ANKS1A: variants seen among roughly 807,000 people sequenced by gnomAD.
The protein encoded by ANKS1A is ankyrin repeat and sterile alpha motif domain containing 1A.
In ANKS1A, 55 loss-of-function variants were observed where a neutral mutation model predicts 120.3. The observed-to-expected ratio is 0.46, with a 90% CI of 0.37 to 0.57. The LOEUF (loss-of-function observed/expected upper bound fraction) is 0.57, where lower values mean the gene tolerates loss of function less well. ANKS1A is among the 20% of genes least tolerant of loss of function. The probability of loss-of-function intolerance (pLI) is 0.00; values close to 1 mark genes in which losing one functional copy is unlikely to be tolerated. For synonymous variants in ANKS1A, 590 were observed against 604.7 expected (o/e 0.98, Z 0.36); for missense variants, 1,123 against 1,480.3 (o/e 0.76, Z 3.96).
intron 1 of ANKS1A, among the ~76,000 whole-genome samples, chr6:34,959,561 G>A (rs550495700): frequency 6.6e-6 from 1 of 152,334 alleles, no homozygotes; most frequent in Admixed American, 6.5e-5. Flanking sequence ...TTGTGGTGAA[G>A]ATGCAGTGGA....
At chr6:35,023,628 T>G in intron 11 of ANKS1A, 1 of 483,046 alleles carries the variant, frequency 2.1e-6, no homozygotes, top group Non-Finnish European at 4.2e-6. Context: ...TCCAGGAAAA[T>G]CTCAGGGAGA....
intron 9 of ANKS1A, among the ~76,000 whole-genome samples, chr6:34,991,126 A>G (rs886618315): frequency 6.6e-6 from 1 of 152,208 alleles, no homozygotes; most frequent in Non-Finnish European, 1.5e-5. Flanking sequence ...TTGGCAAGCT[A>G]TCTGCCCCAA....
intron 1 of ANKS1A, among the ~76,000 whole-genome samples, chr6:34,916,135 G>A (rs1002947008): frequency 2.6e-5 from 4 of 152,042 alleles, no homozygotes; most frequent in African/African-American, 9.7e-5. Flanking sequence ...TGAGACTACA[G>A]GTGCATGCCA....
intron 1 of ANKS1A, among the ~76,000 whole-genome samples, chr6:34,895,793 T>C (rs1767047148): frequency 7.0e-6 from 1 of 142,752 alleles, no homozygotes; most frequent in African/African-American, 2.7e-5. Flanking sequence ...TTTTTTTTTT[T>C]TTTTTTTTTT....
chr6:35,071,711 G>A (rs145570206), intron 13 of ANKS1A, among the ~76,000 whole-genome samples: 10 of 152,380 alleles, frequency 6.6e-5, no homozygotes, highest in African/African-American at 2.4e-4. Context: ...CACGCTCCCA[G>A]TCAGAACTTC....
chr6:35,067,546 C>T (rs564555932), intron 13 of ANKS1A, among the ~76,000 whole-genome samples: 20 of 152,190 alleles, frequency 1.3e-4, no homozygotes, highest in Middle Eastern at 3.4e-3. Context: ...TTGGTGCCGT[C>T]GCCACAGGTG....
Position 35,086,155 on chromosome 6 carries a change from C to T in ANKS1A, c.3303+219C>T, listed in dbSNP as rs1777963802. The T allele has an allele frequency of 8.4e-7, 1 of 1,197,504 alleles. No homozygotes were observed. Among genetic ancestry groups the T allele is most frequent in the South Asian group, 1.5e-5 (1 of 68,668 alleles). The allele number at this position is 1,197,504 out of a possible 1,614,324, so 74.2% of individuals were successfully genotyped here. On this transcript the variant is annotated intron_variant, in intron 22 of 23. Transcript: ENST00000360359. The surrounding 1 kb of genome is among the most constrained non-coding windows in gnomAD (Gnocchi z 5.1). Reference sequence around the variant, plus strand: ...GCCTCTCATGCTCCTGTTTCCCTCCCTCGCTGGGCTCCCCCAAGGGCAAGG... The same window carrying T: ...GCCTCTCATGCTCCTGTTTCCCTCCTTCGCTGGGCTCCCCCAAGGGCAAGG...
At chr6:35,061,697 TA>T (rs1339058256) in intron 13 of ANKS1A, among the ~76,000 whole-genome samples, 1 of 152,272 alleles carries the variant, frequency 6.6e-6, no homozygotes, top group Non-Finnish European at 1.5e-5. Context: ...TCTTAAGTTT[TA>T]AAATAGCAAT....
At chr6:35,036,376 A>T (rs16896561) in intron 11 of ANKS1A, among the ~76,000 whole-genome samples, 2,797 of 152,326 alleles carry the variant, frequency 0.018, 84 homozygotes, top group African/African-American at 0.06. Flanking sequence ...ATTGTAAAAC[A>T]TCAGAGTCAG....
chr6:35,086,516 C>A lies in ANKS1A; in HGVS notation c.3304-436C>A. 2.0e-6 allele frequency: 1 copy of A among 512,008 alleles called. No individual in the cohort carries two copies. The highest frequency in any genetic ancestry group is 3.4e-6 in the Non-Finnish European group (1 of 293,918). The allele number at this position is 512,008 out of a possible 1,614,324, so 31.7% of individuals were successfully genotyped here. On this transcript the variant is annotated intron_variant, in intron 22 of 23. Transcript: ENST00000360359. The surrounding 1 kb of genome is among the most constrained non-coding windows in gnomAD (Gnocchi z 5.1). ...CTGCCTGTTCTGTGTGTGCTTCAGC[C>A]CTCTCTGTTTTTCTGTTGTGTGTCC...
intron 1 of ANKS1A, among the ~76,000 whole-genome samples, chr6:34,941,269 A>T (rs190278411): frequency 1.3e-5 from 2 of 152,294 alleles, no homozygotes; most frequent in Non-Finnish European, 2.9e-5. Flanking sequence ...TACAGGTGTG[A>T]GCCACCGCGC....
At chr6:35,076,405 C>G (rs1035653795) in intron 13 of ANKS1A, among the ~76,000 whole-genome samples, 2 of 152,162 alleles carry the variant, frequency 1.3e-5, no homozygotes, top group African/African-American at 4.8e-5. Flanking sequence ...GAGCGAGACT[C>G]TGTCTCAAAA....
Position 34,899,208 on chromosome 6 carries a change from C to T in ANKS1A, c.197+9609C>T, listed in dbSNP as rs1441221149. On this transcript the variant is annotated intron_variant, in intron 1 of 23. Transcript: ENST00000360359. ...ATGGTTGCTAAATACTACTTATATT[C>T]AGAAAGTAACCTTTGTGCAAGCCCA... 2.6e-5 allele frequency among the ~76,000 whole-genome samples: 4 copies of T among 152,304 alleles called. No individual in the cohort carries two copies. The East Asian group carries it at 7.7e-4, about 29-fold the overall frequency.
rs562633106 is a variant in ANKS1A, at chr6:35,082,132, C to T, written c.2710-559C>T. Among the ~76,000 whole-genome samples the T allele has an allele frequency of 3.6e-4, 55 of 152,282 alleles. No homozygotes were observed. The highest frequency in any genetic ancestry group is 6.6e-4 in the Non-Finnish European group (45 of 68,012). On this transcript the variant is annotated intron_variant, in intron 17 of 23. Coordinates refer to ENST00000360359, the MANE Select transcript of ANKS1A (RefSeq NM_015245.3). The surrounding 1 kb of genome is among the most constrained non-coding windows in gnomAD (Gnocchi z 4.1). ...TCTTTTCCTTCCTCTCCATTCCTTC[C>T]ACCAGTGCCCTGGACAGGGACCCAT...
At chr6:35,004,449 C>T (rs1773338342) in intron 10 of ANKS1A, among the ~76,000 whole-genome samples, 1 of 151,754 alleles carries the variant, frequency 6.6e-6, no homozygotes, top group Non-Finnish European at 1.5e-5. Flanking sequence ...ATAGCAAGAC[C>T]CCCATCTCTA....
At chr6:35,003,575 A>G (rs956611664) in intron 10 of ANKS1A, among the ~76,000 whole-genome samples, 6 of 152,218 alleles carry the variant, frequency 3.9e-5, no homozygotes, top group Admixed American at 1.3e-4. Context: ...GGTTCCCAGC[A>G]CTAGAAAGAT....
chr6:35,070,052 G>T (rs1581732276), intron 13 of ANKS1A, among the ~76,000 whole-genome samples: 1 of 151,318 alleles, frequency 6.6e-6, no homozygotes, highest in East Asian at 2.0e-4. Context: ...AAGAGACTGG[G>T]TGTCTCACAA....
intron 1 of ANKS1A, among the ~76,000 whole-genome samples, chr6:34,931,817 T>C (rs1461489625): frequency 6.6e-6 from 1 of 152,226 alleles, no homozygotes; most frequent in African/African-American, 2.4e-5. Context: ...TAACACCCGT[T>C]TCTGTGAAGG....
chr6:34,889,748 G>T lies in ANKS1A; in HGVS notation c.197+149G>T. 4 of 1,069,264 alleles carry T rather than the reference G, an allele frequency of 3.7e-6. No homozygotes were observed. The highest frequency in any genetic ancestry group is 4.6e-6 in the Non-Finnish European group (4 of 860,440). The allele number at this position is 1,069,264 out of a possible 1,614,324, so 66.2% of individuals were successfully genotyped here. ...CGAGGCAGGCGGCCCGCGGGCCAGG[G>T]TACCGGAGGGCGCGCAGGTCCGAGT... On this transcript the variant is annotated intron_variant, in intron 1 of 23. Coordinates refer to ENST00000360359, the MANE Select transcript of ANKS1A (RefSeq NM_015245.3). The surrounding 1 kb of genome is among the most constrained non-coding windows in gnomAD (Gnocchi z 5.5).
Sources: gnomAD v4.1 joint callset for allele counts (sites outside exome capture counted in the v4.1 genomes callset) on GRCh38, gnomAD v4.1.1 for gene constraint, Gnocchi (gnomAD v3.1) non-coding constraint, MANE v1.5 for transcripts, NCBI Gene and HGNC (gene_info 2026-07-23, HGNC 2026-07-21) for gene names.